Variants in AFG1L observed in about 807,000 individuals in gnomAD.
AFG1L encodes the protein AFG1 like ATPase, also known as AFG1-like ATPase.
In AFG1L, 53 loss-of-function variants were observed where a neutral mutation model predicts 62.2. That is an observed-to-expected ratio of 0.85 (90% CI 0.68 to 1.07). AFG1L has a LOEUF of 1.07. Ranked by LOEUF, AFG1L falls within the 50% of genes least tolerant of loss-of-function variation. The pLI, the probability that AFG1L is intolerant of heterozygous loss-of-function variation, is 0.00. For synonymous variants in AFG1L, 228 were observed against 210.3 expected, an observed-to-expected ratio of 1.08 and a Z score of -0.73; for missense variants, 555 against 590.5, an observed-to-expected ratio of 0.94 and a Z score of 0.62.
intron 7 of AFG1L, among the ~76,000 whole-genome samples, chr6:108,425,065 C>G (rs759819151): frequency 6.6e-6 from 1 of 152,026 alleles, no homozygotes; most frequent in Non-Finnish European, 1.5e-5. Flanking sequence ...TGACGTAGAA[C>G]TGAATAAGTT....
intron 7 of AFG1L, among the ~76,000 whole-genome samples, chr6:108,443,119 C>T (rs1311406564): frequency 2.0e-5 from 3 of 152,148 alleles, no homozygotes; most frequent in Admixed American, 2.0e-4. Flanking sequence ...TTACTTTATT[C>T]TCTCCTGGTT....
chr6:108,348,894 C>T (rs1490714136), intron 3 of AFG1L, among the ~76,000 whole-genome samples: 3 of 152,278 alleles, frequency 2.0e-5, no homozygotes, highest in Admixed American at 6.5e-5. Context: ...ACTGCTTCCA[C>T]TTCTGTAAAA....
At chr6:108,461,553 T>C (rs1233183499) in intron 8 of AFG1L, among the ~76,000 whole-genome samples, 5 of 152,126 alleles carry the variant, frequency 3.3e-5, no homozygotes, top group African/African-American at 4.8e-5. Context: ...CGTCCTAGAC[T>C]CAAGCCATTT....
At chr6:108,389,444 C>T (rs1780945148) in intron 6 of AFG1L, among the ~76,000 whole-genome samples, 1 of 152,218 alleles carries the variant, frequency 6.6e-6, no homozygotes, top group Admixed American at 6.5e-5. Flanking sequence ...TTATTTTGCT[C>T]GTTAGTGGAT....
intron 10 of AFG1L, among the ~76,000 whole-genome samples, chr6:108,505,158 G>A (rs1484348872): frequency 6.8e-6 from 1 of 147,322 alleles, no homozygotes; most frequent in Non-Finnish European, 1.5e-5. Flanking sequence ...ACAATGGCAC[G>A]ATCTCAGCTC....
intron 7 of AFG1L, among the ~76,000 whole-genome samples, chr6:108,413,569 C>G (rs193056008): frequency 1.6e-3 from 243 of 152,340 alleles, no homozygotes; most frequent in African/African-American, 4.8e-3. Context: ...CAAACTGTCT[C>G]TCAGACCACA....
chr6:108,399,770 T>TCTC (rs200229348), intron 6 of AFG1L, among the ~76,000 whole-genome samples: 1 of 87,168 alleles, frequency 1.1e-5, no homozygotes, highest in African/African-American at 4.6e-5. Context: ...AGTATCTCTC[T>TCTC]TTTTTTTTTT....
At chr6:108,508,034 G>A (rs1161962130) in intron 10 of AFG1L, among the ~76,000 whole-genome samples, 1 of 152,154 alleles carries the variant, frequency 6.6e-6, no homozygotes, top group Non-Finnish European at 1.5e-5. Context: ...ACTAATGTAT[G>A]CCCCAGGCAC....
chr6:108,444,954 T>A (rs1771700408), intron 7 of AFG1L, among the ~76,000 whole-genome samples: 1 of 152,236 alleles, frequency 6.6e-6, no homozygotes, highest in African/African-American at 2.4e-5. Flanking sequence ...TGACTTCTCC[T>A]TTCTAGCTAT....
Position 108,492,035 on chromosome 6 carries a change from G to A in AFG1L, c.1062+14743G>A, listed in dbSNP as rs182351834. Among the ~76,000 whole-genome samples, 34 of 152,312 alleles carry A rather than the reference G, an allele frequency of 2.2e-4. No homozygotes were observed. In the East Asian group the frequency reaches 5.6e-3, roughly 25 times the overall value. On this transcript the variant is annotated intron_variant, in intron 10 of 12. Coordinates refer to ENST00000368977, the MANE Select transcript of AFG1L (RefSeq NM_145315.5). The stretch of plus-strand genomic sequence containing the variant: ...ACCTCTGCATTTACAAGACTTTAAC[G>A]TGTTCAGAAGTTACAGTTCTCAAAT...
rs765549539 is a variant in AFG1L, at chr6:108,301,946, A to AT, written c.139+6745dup. Among the ~76,000 whole-genome samples the AT allele has an allele frequency of 8.2e-3, 1,165 of 141,408 alleles. 11 individuals carry two copies. The highest frequency in any genetic ancestry group is 0.022 in the African/African-American group (848 of 38,682). The allele number at this position is 141,408 out of a possible 152,430, so 92.8% of individuals were successfully genotyped here. On this transcript the variant is annotated intron_variant, in intron 1 of 12. Coordinates refer to ENST00000368977, the MANE Select transcript of AFG1L (RefSeq NM_145315.5). ...CCTTAAAAACAACAGATGAGACTAG[A>AT]TTTTTTTTTTTTTTTTTGAGACAGA...
At chr6:108,412,401 G>A (rs974370039) in intron 7 of AFG1L, among the ~76,000 whole-genome samples, 1 of 152,076 alleles carries the variant, frequency 6.6e-6, no homozygotes, top group African/African-American at 2.4e-5. Flanking sequence ...TTCAAATTCA[G>A]GAAATACAGA....
At chr6:108,495,532 C>T (rs553270992) in intron 10 of AFG1L, among the ~76,000 whole-genome samples, 18 of 152,192 alleles carry the variant, frequency 1.2e-4, no homozygotes, top group Admixed American at 3.9e-4. Flanking sequence ...TGGTAATGCT[C>T]GTGCATTTCA....
chr6:108,386,654 TTTTCTCTTAG>T (rs1200706356), intron 6 of AFG1L, among the ~76,000 whole-genome samples: 2 of 152,166 alleles, frequency 1.3e-5, no homozygotes, highest in African/African-American at 4.8e-5. Flanking sequence ...AGCACTAGTT[TTTTCTCTTAG>T]TTTCTTTAAA....
chr6:108,304,729 T>C (rs2114825050), intron 1 of AFG1L, among the ~76,000 whole-genome samples: 2 of 152,370 alleles, frequency 1.3e-5, no homozygotes, highest in Admixed American at 1.3e-4. Flanking sequence ...TTTGATTTCA[T>C]TTAACTAAGC....
chr6:108,452,725 A>G (rs1307658934), intron 8 of AFG1L, among the ~76,000 whole-genome samples: 2 of 152,196 alleles, frequency 1.3e-5, no homozygotes, highest in Non-Finnish European at 2.9e-5. Context: ...AGATAGCAGT[A>G]TGAGCATTAG....
chr6:108,433,515 G>A (rs1461248084), intron 7 of AFG1L, among the ~76,000 whole-genome samples: 3 of 151,902 alleles, frequency 2.0e-5, no homozygotes, highest in Middle Eastern at 3.4e-3. Flanking sequence ...TCGAACTCCT[G>A]ACCTTAGGTA....
At chr6:108,327,356 C>T (rs998464323) in intron 2 of AFG1L, among the ~76,000 whole-genome samples, 1 of 152,196 alleles carries the variant, frequency 6.6e-6, no homozygotes, top group Admixed American at 6.5e-5. Flanking sequence ...TCATTGTCTT[C>T]GTCCACTTGG....
intron 8 of AFG1L, among the ~76,000 whole-genome samples, chr6:108,448,790 C>T (rs539154294): frequency 1.3e-5 from 2 of 152,178 alleles, no homozygotes; most frequent in East Asian, 3.9e-4. Context: ...TAACAATGTC[C>T]AGAGTCCAGG....
Sources: gnomAD v4.1 joint callset for allele counts (sites outside exome capture counted in the v4.1 genomes callset) on GRCh38, gnomAD v4.1.1 for gene constraint, MANE v1.5 for transcripts, NCBI Gene and HGNC (gene_info 2026-07-23, HGNC 2026-07-21) for gene names.